LRRK2: variants seen among roughly 807,000 people sequenced by gnomAD.
LRRK2 encodes leucine rich repeat kinase 2.
A neutral mutation model predicts 302.6 loss-of-function variants in LRRK2; 203 were observed. The ratio of observed to expected loss-of-function variants is 0.67; its 90% CI spans 0.60 to 0.75. LRRK2 has a LOEUF of 0.75. Among genes scored for constraint, LRRK2 ranks in the 30% least tolerant of loss-of-function variants. LRRK2 has a pLI of 0.00. For missense variants in LRRK2, 2,830 were observed against 2,951.0 expected (o/e 0.96, Z 0.95); for synonymous variants, 1,066 against 1,031.9 (o/e 1.03, Z -0.63).
At chr12:40,253,966 G>C (rs539739044) in intron 11 of LRRK2, among the ~76,000 whole-genome samples, 1 of 151,996 alleles carries the variant, frequency 6.6e-6, no homozygotes, top group African/African-American at 2.4e-5. Flanking sequence ...TTAAAAAATC[G>C]TTCTTTAATG....
intron 13 of LRRK2, among the ~76,000 whole-genome samples, chr12:40,263,489 C>A (rs1481127348): frequency 6.6e-6 from 1 of 152,030 alleles, no homozygotes; most frequent in Admixed American, 6.6e-5. Flanking sequence ...TAAAGCACAG[C>A]CTACTCACAC....
At chr12:40,317,587 G>A (rs1945265096) in intron 33 of LRRK2, among the ~76,000 whole-genome samples, 1 of 152,040 alleles carries the variant, frequency 6.6e-6, no homozygotes, top group Non-Finnish European at 1.5e-5. Context: ...TCATTTAACT[G>A]TATGATAAAA....
chr12:40,295,543 G>T lies in LRRK2; in HGVS notation c.2995G>T (p.Ala999Ser). ...LSANELRDID[A>S]LSQKCCISVH... is the part of the protein sequence containing the mutation. ...AGCAAATGAACTAAGAGATATTGAT[G>T]CCCTAAGCCAGAAATGCTGTATAAG... Residue 999 changes from alanine (A) to serine (S), a missense_variant, in exon 23 of 51, where the codon GCC (alanine) becomes TCC (serine). Transcript: ENST00000298910. 6.2e-7 allele frequency: 1 copy of T among 1,613,962 alleles called. No homozygotes were observed. The highest frequency in any genetic ancestry group is 8.5e-7 in the Non-Finnish European group (1 of 1,179,990).
At chr12:40,240,729 AC>A (rs1339170555) in intron 6 of LRRK2, 112 bp downstream of exon 6, 1 of 1,046,898 alleles carries the variant, frequency 9.6e-7, no homozygotes, top group Non-Finnish European at 1.4e-6. Context: ...TGGATGCTCA[AC>A]CCATTCATTC....
chr12:40,275,136 AG>A, intron 16 of LRRK2, 143 bp downstream of exon 16: 1 of 929,346 alleles, frequency 1.1e-6, no homozygotes, highest in Non-Finnish European at 1.7e-6. Flanking sequence ...TAATTATACA[AG>A]CAAAGAAAAT....
At chr12:40,266,644 G>A (rs1323414183) in intron 14 of LRRK2, among the ~76,000 whole-genome samples, 7 of 152,102 alleles carry the variant, frequency 4.6e-5, no homozygotes, top group Non-Finnish European at 7.4e-5. Flanking sequence ...CAGCCATCCT[G>A]TTAGTGGGTA....
chr12:40,367,890 T>C lies in LRRK2; in HGVS notation c.*125T>C, dbSNP rs1946927376. 1 of 746,936 alleles carries C rather than the reference T, an allele frequency of 1.3e-6. No homozygotes were observed. The highest frequency in any genetic ancestry group is 2.6e-5 in the South Asian group (1 of 38,204). 46.3% of individuals were successfully genotyped at this position (746,936 alleles called of 1,614,324 possible). A position where few individuals can be genotyped will look rare whatever the true frequency, so the allele number is the denominator to read the frequency against. On this transcript the variant is annotated 3_prime_UTR_variant, in exon 51 of 51. Coordinates refer to ENST00000298910, the MANE Select transcript of LRRK2 (RefSeq NM_198578.4). The stretch of plus-strand genomic sequence containing the variant: ...GAAATAGCTCGTGTGTATGAAGGAA[T>C]GTTATTATTTTTAATTTAAATATAT...
At chr12:40,274,377 G>T (rs1455306469) in intron 14 of LRRK2, among the ~76,000 whole-genome samples, 1 of 152,080 alleles carries the variant, frequency 6.6e-6, no homozygotes, top group Non-Finnish European at 1.5e-5. Context: ...ACAATGCCTG[G>T]CACAGAACAA....
At chr12:40,349,634 G>A (rs1021437786) in intron 43 of LRRK2, among the ~76,000 whole-genome samples, 25 of 152,044 alleles carry the variant, frequency 1.6e-4, no homozygotes, top group Non-Finnish European at 3.4e-4. Flanking sequence ...TGATCCTGTC[G>A]CCTCAGTCTC....
intron 33 of LRRK2, among the ~76,000 whole-genome samples, chr12:40,317,823 TAACA>T (rs1945271882): frequency 6.6e-6 from 1 of 152,096 alleles, no homozygotes; most frequent in South Asian, 2.1e-4. Context: ...TATTCTTATG[TAACA>T]AACCCCCTCG....
chr12:40,348,410 T>C lies in LRRK2; in HGVS notation c.6282T>C (p.Asp2094=). The change falls in exon 43 of 51, where the codon GAT becomes GAC. Residue 2094 remains aspartate, a splice_region_variant and synonymous_variant. Coordinates refer to ENST00000298910, the MANE Select transcript of LRRK2 (RefSeq NM_198578.4). The stretch of plus-strand genomic sequence containing the variant: ...GCATGATGTTTTTTAATGTTTTAGA[T>C]CCAGTTAAAGAATATGGTTGTGCCC... ...DELEIQGKLP[D]PVKEYGCAPW... 2.5e-6 allele frequency: 4 copies of C among 1,594,376 alleles called. No homozygotes were observed. Among genetic ancestry groups the C allele is most frequent in the Non-Finnish European group, 3.4e-6 (4 of 1,162,454 alleles).
intron 14 of LRRK2, among the ~76,000 whole-genome samples, chr12:40,266,279 C>T (rs1443904053): frequency 6.6e-6 from 1 of 152,166 alleles, no homozygotes; most frequent in Non-Finnish European, 1.5e-5. Flanking sequence ...TATCTAGAAT[C>T]TACAATGAAC....
At chr12:40,363,345 T>G in intron 47 of LRRK2, 57 bp from the exon 48 acceptor site, 3 of 1,557,394 alleles carry the variant, frequency 1.9e-6, no homozygotes, top group Non-Finnish European at 2.6e-6. Context: ...GTATTACACG[T>G]AGAAATTTTA....
intron 24 of LRRK2, 77 bp downstream of exon 24, chr12:40,298,570 G>A: frequency 6.4e-7 from 1 of 1,560,076 alleles, no homozygotes; most frequent in Non-Finnish European, 8.8e-7. Context: ...CATTTTTATA[G>A]CAATGAGTTT....
Position 40,351,612 on chromosome 12 carries a change from T to C in LRRK2, c.6455T>C (p.Val2152Ala). Residue 2152 changes from valine (V) to alanine (A), a missense_variant, in exon 44 of 51, where the codon GTT becomes GCT. Physicochemically the swap from Val to Ala is moderately conservative, Grantham distance 64. This residue lies in a region of LRRK2 where 456 missense variants were observed against 456.3 expected (regional missense o/e 1.00). Coordinates refer to ENST00000298910, the MANE Select transcript of LRRK2 (RefSeq NM_198578.4). Reference protein sequence around the residue: ...RRILLPKNVIVECMVATHHNS... With the variant: ...RRILLPKNVIAECMVATHHNS... ...ATTTTATTACCTAAAAACGTAATTG[T>C]TGAATGCATGGTTGCTACACATCAC... 3 of 1,614,216 alleles carry C rather than the reference T, an allele frequency of 1.9e-6. No homozygotes were observed. Among genetic ancestry groups the C allele is most frequent in the Non-Finnish European group, 2.5e-6 (3 of 1,180,034 alleles).
chr12:40,356,789 A>G (rs974630480), intron 46 of LRRK2, among the ~76,000 whole-genome samples: 1 of 152,204 alleles, frequency 6.6e-6, no homozygotes, highest in Admixed American at 6.5e-5. Flanking sequence ...GAATGTAACA[A>G]TAATATTTCG....
Position 40,302,824 on chromosome 12 carries a change from C to A in LRRK2, c.3532C>A (p.Leu1178Ile), listed in dbSNP as rs1389747287. The A allele has an allele frequency of 6.2e-7, 1 of 1,611,082 alleles. No homozygotes were observed. Among genetic ancestry groups the A allele is most frequent in the Non-Finnish European group, 8.5e-7 (1 of 1,177,816 alleles). Residue 1178 changes from leucine to isoleucine, a missense_variant, in exon 26 of 51, where the codon CTA (leucine) becomes ATA (isoleucine). Around this residue, in one of 3 missense-constraint regions of LRRK2, gnomAD observed 2,121 missense variants for 2,148.0 expected, o/e 0.99. Transcript: ENST00000298910. ...MPFLPPSMTI[L>I]KLSQNKFSCI... ...TTTCTTGCCTCCTTCTATGACAATC[C>A]TAAAATTATCTCAGAACAAATTTTC...
chr12:40,273,136 T>G (rs1943306390), intron 14 of LRRK2, among the ~76,000 whole-genome samples: 1 of 152,196 alleles, frequency 6.6e-6, no homozygotes, highest in Admixed American at 6.6e-5. Flanking sequence ...AGCCTTCCAA[T>G]TTCACTTTGC....
Position 40,225,129 on chromosome 12 carries a change from AC to A in LRRK2, c.-1del, listed in dbSNP as rs1940799413. 1 of 1,613,804 alleles carries A rather than the reference AC, an allele frequency of 6.2e-7. No homozygotes were observed. Among genetic ancestry groups the A allele is most frequent in the Middle Eastern group, 1.7e-4 (1 of 5,826 alleles). Reference sequence around the variant, plus strand: ...GGGCGGCGGGTTGGAAGCAGGTGCCACCATGGCTAGTGGCAGCTGTCAGGGG... The same window carrying A: ...GGGCGGCGGGTTGGAAGCAGGTGCCACATGGCTAGTGGCAGCTGTCAGGGG... On this transcript the variant is annotated 5_prime_UTR_variant, in exon 1 of 51. Transcript: ENST00000298910.
Sources: allele counts gnomAD v4.1 joint callset (sites outside exome capture counted in the v4.1 genomes callset), GRCh38; gene constraint gnomAD v4.1.1; regional missense constraint gnomAD v4.1.1; transcripts MANE v1.5; gene names NCBI Gene and HGNC (gene_info 2026-07-23, HGNC 2026-07-21).